Variants in PDSS2 observed in about 807,000 individuals in gnomAD.
The protein encoded by PDSS2 is decaprenyl diphosphate synthase subunit 2.
PDSS2 carries 31 observed loss-of-function variants against 44.5 expected under a neutral mutation model. The ratio of observed to expected loss-of-function variants is 0.70; its 90% CI spans 0.52 to 0.94. The LOEUF (loss-of-function observed/expected upper bound fraction) is 0.94. PDSS2 is among the 40% of genes least tolerant of loss of function. PDSS2 has a pLI of 0.00. For synonymous variants in PDSS2, 157 were observed against 180.3 expected, an observed-to-expected ratio of 0.87 and a Z score of 1.03; for missense variants, 452 against 482.2, an observed-to-expected ratio of 0.94 and a Z score of 0.59.
At chr6:107,370,015 T>G (rs888265037) in intron 1 of PDSS2, among the ~76,000 whole-genome samples, 1 of 151,348 alleles carries the variant, frequency 6.6e-6, no homozygotes, top group Admixed American at 6.6e-5. Context: ...AAAAAAAAAC[T>G]ACAGAAAGAA....
At chr6:107,429,473 A>G (rs1781102840) in intron 1 of PDSS2, among the ~76,000 whole-genome samples, 1 of 152,182 alleles carries the variant, frequency 6.6e-6, no homozygotes, top group Admixed American at 6.5e-5. Context: ...ATAAAGCTAG[A>G]CTGGACACTA....
At chr6:107,350,402 C>A (rs1432871749) in intron 1 of PDSS2, among the ~76,000 whole-genome samples, 1 of 150,848 alleles carries the variant, frequency 6.6e-6, no homozygotes, top group Non-Finnish European at 1.5e-5. Context: ...CAAAACAAAT[C>A]AAAAAATAAA....
chr6:107,205,958 C>CA, intron 6 of PDSS2, among the ~76,000 whole-genome samples: 1 of 152,222 alleles, frequency 6.6e-6, no homozygotes. Context: ...AGATGAGACA[C>CA]AAACCTGCCT....
At chr6:107,313,790 A>G (rs1194590406) in intron 2 of PDSS2, among the ~76,000 whole-genome samples, 1 of 152,170 alleles carries the variant, frequency 6.6e-6, no homozygotes, top group East Asian at 1.9e-4. Flanking sequence ...TAATTTGAGT[A>G]GGGTATCCTC....
chr6:107,458,119 A>G (rs778139302), intron 1 of PDSS2, among the ~76,000 whole-genome samples: 17 of 152,080 alleles, frequency 1.1e-4, no homozygotes, highest in Non-Finnish European at 2.2e-4. Flanking sequence ...TCTTTGAACT[A>G]TATTATTTTT....
intron 1 of PDSS2, among the ~76,000 whole-genome samples, chr6:107,394,246 A>G (rs1779871987): frequency 6.6e-6 from 1 of 152,130 alleles, no homozygotes; most frequent in Non-Finnish European, 1.5e-5. Context: ...GTATTAGTCC[A>G]TTCCCTGCAT....
At chr6:107,455,491 C>T (rs921013745) in intron 1 of PDSS2, among the ~76,000 whole-genome samples, 38 of 152,024 alleles carry the variant, frequency 2.5e-4, no homozygotes, top group Admixed American at 2.5e-3. Context: ...CGCAGTGGCT[C>T]ATGCCTGTAA....
intron 1 of PDSS2, among the ~76,000 whole-genome samples, chr6:107,398,759 A>C (rs1271787320): frequency 2.0e-5 from 3 of 152,174 alleles, no homozygotes; most frequent in Non-Finnish European, 4.4e-5. Flanking sequence ...AGGTCATTTG[A>C]CTTCTCTTTT....
chr6:107,171,102 G>A (rs1473210042), intron 7 of PDSS2, among the ~76,000 whole-genome samples: 4 of 152,198 alleles, frequency 2.6e-5, no homozygotes, highest in Non-Finnish European at 5.9e-5. Flanking sequence ...AGAACAGAGA[G>A]GGTTAAGTAG....
chr6:107,325,271 T>C (rs1777502883), intron 2 of PDSS2, among the ~76,000 whole-genome samples: 1 of 152,212 alleles, frequency 6.6e-6, no homozygotes, highest in Non-Finnish European at 1.5e-5. Flanking sequence ...TTGTGATAAG[T>C]TCTTGAAGCC....
intron 4 of PDSS2, among the ~76,000 whole-genome samples, chr6:107,213,835 T>C (rs1382588024): frequency 2.6e-5 from 4 of 152,138 alleles, no homozygotes; most frequent in Non-Finnish European, 4.4e-5. Context: ...AATATTATAG[T>C]CTTCATGAAA....
intron 2 of PDSS2, among the ~76,000 whole-genome samples, chr6:107,297,863 G>T (rs1168180471): frequency 6.6e-6 from 1 of 151,542 alleles, no homozygotes; most frequent in African/African-American, 2.4e-5. Flanking sequence ...CTTGTACCTC[G>T]GACACCCGAG....
chr6:107,188,673 A>G (rs899851699), intron 7 of PDSS2, among the ~76,000 whole-genome samples: 2 of 152,176 alleles, frequency 1.3e-5, no homozygotes, highest in African/African-American at 4.8e-5. Flanking sequence ...CTGATCCCTC[A>G]TGAATGGCTT....
intron 3 of PDSS2, among the ~76,000 whole-genome samples, chr6:107,266,200 G>T (rs543299013): frequency 6.6e-6 from 1 of 152,144 alleles, no homozygotes; most frequent in Non-Finnish European, 1.5e-5. Flanking sequence ...TTTATCAGAG[G>T]GAATTCCTGA....
intron 4 of PDSS2, among the ~76,000 whole-genome samples, chr6:107,238,312 C>A: frequency 6.6e-6 from 1 of 152,120 alleles, no homozygotes; most frequent in East Asian, 1.9e-4. Flanking sequence ...TGAGTGTGTT[C>A]GGGATCTCCA....
At chr6:107,389,920 A>C (rs1562507345) in intron 1 of PDSS2, among the ~76,000 whole-genome samples, 1 of 152,186 alleles carries the variant, frequency 6.6e-6, no homozygotes, top group East Asian at 1.9e-4. Flanking sequence ...TTGTAGTACC[A>C]GAAAGTAAGG....
intron 6 of PDSS2, among the ~76,000 whole-genome samples, chr6:107,206,650 A>C (rs1254947223): frequency 6.6e-6 from 1 of 152,290 alleles, no homozygotes; most frequent in East Asian, 1.9e-4. Context: ...AAAACACATG[A>C]ACACTAATGG....
At chr6:107,287,558 A>G (rs190912305) in intron 2 of PDSS2, among the ~76,000 whole-genome samples, 2 of 152,164 alleles carry the variant, frequency 1.3e-5, no homozygotes, top group African/African-American at 2.4e-5. Flanking sequence ...GTCTTACTCT[A>G]TCACCCAGGC....
intron 7 of PDSS2, among the ~76,000 whole-genome samples, chr6:107,193,163 C>T (rs912678989): frequency 2.9e-4 from 44 of 152,196 alleles, no homozygotes; most frequent in African/African-American, 1.1e-3. Context: ...TGAAATCTGA[C>T]CTCCCGCAGC....
Sources: allele counts gnomAD v4.1 joint callset (sites outside exome capture counted in the v4.1 genomes callset), GRCh38; gene constraint gnomAD v4.1.1; transcripts MANE v1.5; gene names NCBI Gene and HGNC (gene_info 2026-07-23, HGNC 2026-07-21).